The following NEK6 variants were observed in gnomAD, a reference collection of about 807,000 sequenced individuals.
NEK6 encodes NIMA related kinase 6.
Under a neutral mutation model 43.5 loss-of-function variants are expected in NEK6, and 27 were observed. The observed-to-expected ratio is 0.62, with a 90% CI of 0.46 to 0.86. The LOEUF is 0.86. NEK6 is among the 40% of genes least tolerant of loss of function. The pLI is 0.00. For synonymous variants in NEK6, 167 were observed against 164.1 expected, an observed-to-expected ratio of 1.02 and a Z score of -0.14; for missense variants, 318 against 414.4, an observed-to-expected ratio of 0.77 and a Z score of 2.02.
chr9:124,331,880 G>C (rs866068504), intron 7 of NEK6, among the ~76,000 whole-genome samples: 1 of 152,218 alleles, frequency 6.6e-6, no homozygotes, highest in Non-Finnish European at 1.5e-5. Context: ...CCCACCCTGC[G>C]TCCCATCCCA....
intron 1 of NEK6, among the ~76,000 whole-genome samples, chr9:124,282,888 T>G (rs1831983979): frequency 6.6e-6 from 1 of 151,882 alleles, no homozygotes; most frequent in Non-Finnish European, 1.5e-5. Context: ...CTCTTTTGGG[T>G]TAGAGAGCGG....
chr9:124,311,917 T>TGACCTCTCGAACTCCC (rs1227859137), intron 2 of NEK6, among the ~76,000 whole-genome samples: 1 of 152,240 alleles, frequency 6.6e-6, no homozygotes, highest in Admixed American at 6.5e-5. Context: ...CTCGAACTCC[T>TGACCTCTCGAACTCCC]GACCTCTCGA....
chr9:124,341,204 G>A (rs187902537), intron 8 of NEK6, among the ~76,000 whole-genome samples: 65 of 152,240 alleles, frequency 4.3e-4, no homozygotes, highest in African/African-American at 1.2e-4. Flanking sequence ...CACCCCACCC[G>A]GCAAATTTTC....
rs970706851 is a variant in NEK6 at position 124,307,196 on chromosome 9, C to T, written c.90+5142C>T. On this transcript the variant is annotated intron_variant, in intron 2 of 9. Coordinates refer to ENST00000320246, the MANE Select transcript of NEK6 (RefSeq NM_014397.6). The stretch of plus-strand genomic sequence containing the variant: ...TTCAAACATTTTAAACTCAAATTAG[C>T]GCAGGGTGGGGGGTGTTTGTGGCCT... 2.0e-5 allele frequency among the ~76,000 whole-genome samples: 3 copies of T among 151,562 alleles called. No individual in the cohort carries two copies. In the East Asian group the frequency reaches 5.8e-4, roughly 29 times the overall value.
intron 1 of NEK6, among the ~76,000 whole-genome samples, chr9:124,268,457 A>C (rs1000577403): frequency 6.6e-6 from 1 of 152,196 alleles, no homozygotes; most frequent in Non-Finnish European, 1.5e-5. Flanking sequence ...AGGTGAATGC[A>C]TTCACTTCCC....
At chr9:124,280,095 C>A (rs1445116225) in intron 1 of NEK6, among the ~76,000 whole-genome samples, 1 of 152,240 alleles carries the variant, frequency 6.6e-6, no homozygotes, top group East Asian at 1.9e-4. Flanking sequence ...CAGCTGGGGC[C>A]TCTCTCACTG....
At chr9:124,321,896 G>C (rs1371907609) in intron 5 of NEK6, among the ~76,000 whole-genome samples, 2 of 152,246 alleles carry the variant, frequency 1.3e-5, no homozygotes, top group Admixed American at 1.3e-4. Flanking sequence ...GCCATGGGCA[G>C]AAGGAACTCC....
In NEK6 at chr9:124,319,872, G is replaced by A. The variant is rs143454738; in HGVS notation, c.295-1587G>A. On this transcript the variant is annotated intron_variant, in intron 4 of 9. Coordinates refer to ENST00000320246, the MANE Select transcript of NEK6 (RefSeq NM_014397.6). ...GTAGTATAGTTTGAAGTCCAGTAACGTGATGCCTCCAGGTTTGTTCTTTTT... is the reference window on the plus strand; with the variant it reads ...GTAGTATAGTTTGAAGTCCAGTAACATGATGCCTCCAGGTTTGTTCTTTTT... Among the ~76,000 whole-genome samples, 428 of 152,318 alleles carry A rather than the reference G, an allele frequency of 2.8e-3. 1 individual carries two copies. Among genetic ancestry groups the A allele is most frequent in the African/African-American group, 0.01 (416 of 41,552 alleles).
chr9:124,313,406 A>ATC lies in NEK6; in HGVS notation c.232-516_232-515dup, dbSNP rs1833643833. 2.0e-5 allele frequency among the ~76,000 whole-genome samples: 3 copies of ATC among 151,934 alleles called. No homozygotes were observed. The South Asian group carries it at 6.2e-4, about 32-fold the overall frequency. Reference sequence around the variant, plus strand: ...TTTTTTTGAGATAGAGTCTCAGTCTATCACCCAGGCTGTAGTGCAGTGGCG... The same window carrying ATC: ...TTTTTTTGAGATAGAGTCTCAGTCTATCTCACCCAGGCTGTAGTGCAGTGGCG... On this transcript the variant is annotated intron_variant, in intron 3 of 9. Transcript: ENST00000320246.
At chr9:124,267,847 C>G (rs1201582174) in intron 1 of NEK6, among the ~76,000 whole-genome samples, 2 of 152,260 alleles carry the variant, frequency 1.3e-5, no homozygotes, top group Non-Finnish European at 2.9e-5. Context: ...TACTTGTACT[C>G]TGAGCTAACA....
chr9:124,264,343 A>G (rs1382453338), intron 1 of NEK6, among the ~76,000 whole-genome samples: 1 of 152,180 alleles, frequency 6.6e-6, no homozygotes, highest in Non-Finnish European at 1.5e-5. Flanking sequence ...ACCTCATGCA[A>G]GGAGGGCTTC....
chr9:124,309,311 C>T (rs919899859), intron 2 of NEK6, among the ~76,000 whole-genome samples: 3 of 152,228 alleles, frequency 2.0e-5, no homozygotes, highest in East Asian at 1.9e-4. Context: ...GCTGGAGCCC[C>T]AGCCACCTCC....
At chr9:124,271,107 C>T (rs1032297976) in intron 1 of NEK6, among the ~76,000 whole-genome samples, 9 of 152,374 alleles carry the variant, frequency 5.9e-5, no homozygotes, top group Admixed American at 3.9e-4. Flanking sequence ...CAGCCAGGGG[C>T]TCTCCCTCTT....
At chr9:124,327,663 TC>T (rs980960465) in intron 7 of NEK6, among the ~76,000 whole-genome samples, 16 of 152,148 alleles carry the variant, frequency 1.1e-4, no homozygotes, top group Admixed American at 8.5e-4. Flanking sequence ...CCTGATCACC[TC>T]CCAGCCCTTG....
intron 1 of NEK6, among the ~76,000 whole-genome samples, chr9:124,280,423 C>G (rs190922890): frequency 1.3e-5 from 2 of 152,218 alleles, no homozygotes; most frequent in South Asian, 4.1e-4. Context: ...CTGTCCCAGC[C>G]GAGCACTCCA....
rs866354971 is a variant in NEK6, at chr9:124,343,403, C to T, written c.717+3738C>T. ...AGCAGTCAAGCCCTGAGGGGATTAG[C>T]GTCCTCAGGGACATCAGGCGCTGAC... On this transcript the variant is annotated intron_variant, in intron 8 of 9. Coordinates refer to ENST00000320246, the MANE Select transcript of NEK6 (RefSeq NM_014397.6). The surrounding 1 kb of genome is among the most constrained non-coding windows in gnomAD (Gnocchi z 5.1). 6.6e-6 allele frequency among the ~76,000 whole-genome samples: 1 copy of T among 152,108 alleles called. No individual in the cohort carries two copies. Among genetic ancestry groups the T allele is most frequent in the African/African-American group, 2.4e-5 (1 of 41,422 alleles).
intron 4 of NEK6, among the ~76,000 whole-genome samples, chr9:124,315,218 TGGGCAGGCCTCACAGA>T (rs1833754605): frequency 1.3e-5 from 2 of 152,218 alleles, no homozygotes; most frequent in Admixed American, 1.3e-4. Flanking sequence ...ACCCGCTTCC[TGGGCAGGCCTCACAGA>T]GGGCAGGGCA....
intron 8 of NEK6, among the ~76,000 whole-genome samples, chr9:124,345,283 C>T (rs929270169): frequency 4.6e-5 from 7 of 152,210 alleles, no homozygotes; most frequent in African/African-American, 1.7e-4. Flanking sequence ...CCAGGGTAAT[C>T]GTTGTAATCC....
At chr9:124,331,244 C>T (rs1416945803) in intron 7 of NEK6, among the ~76,000 whole-genome samples, 6 of 134,080 alleles carry the variant, frequency 4.5e-5, no homozygotes, top group Admixed American at 8.3e-5. Context: ...TCAGCCTGGG[C>T]GAGCGACTCT....
Sources: allele counts gnomAD v4.1 joint callset (sites outside exome capture counted in the v4.1 genomes callset), GRCh38; gene constraint gnomAD v4.1.1; non-coding constraint Gnocchi (gnomAD v3.1); transcripts MANE v1.5; gene names NCBI Gene and HGNC (gene_info 2026-07-23, HGNC 2026-07-21).